KLHL1: variants seen among roughly 807,000 people sequenced by gnomAD.
KLHL1 encodes kelch-like protein 1.
A neutral mutation model predicts 77.7 loss-of-function variants in KLHL1; 47 were observed. The observed-to-expected ratio is 0.60, with a 90% CI of 0.48 to 0.77. The LOEUF (loss-of-function observed/expected upper bound fraction) is 0.77, where lower values mean the gene tolerates loss of function less well. Among genes scored for constraint, KLHL1 ranks in the 30% least tolerant of loss-of-function variants. KLHL1 has a pLI of 0.00. For missense variants in KLHL1, 925 were observed against 910.8 expected (o/e 1.02, Z -0.20); for synonymous variants, 360 against 325.2 (o/e 1.11, Z -1.15).
At position 69,885,620 on chromosome 13, in the gene KLHL1, T is replaced by C. The variant is rs1172106181; in HGVS notation, c.1015-3125A>G. On this transcript the variant is annotated intron_variant, in intron 4 of 10. Coordinates refer to ENST00000377844, the MANE Select transcript of KLHL1 (RefSeq NM_020866.3). ...TTCCCATTGAGTTTCTTACATTGCT[T>C]GCATATGTTAGCAAACTCCTTATTG... Among the ~76,000 whole-genome samples the C allele has an allele frequency of 2.0e-5, 3 of 152,172 alleles. No homozygotes were observed. In the East Asian group the frequency reaches 5.8e-4, roughly 29 times the overall value.
At chr13:69,776,016 CGTG>C (rs1234989570) in intron 7 of KLHL1, among the ~76,000 whole-genome samples, 1 of 149,590 alleles carries the variant, frequency 6.7e-6, no homozygotes. Context: ...ACTAGCTTGG[CGTG>C]GTGGTGGGTG....
At chr13:69,734,097 G>A (rs935656453) in intron 8 of KLHL1, among the ~76,000 whole-genome samples, 3 of 151,998 alleles carry the variant, frequency 2.0e-5, no homozygotes, top group African/African-American at 4.8e-5. Context: ...GGGTAATTGG[G>A]TCATGGGGGC....
chr13:69,826,917 T>C (rs1050406601), intron 6 of KLHL1, among the ~76,000 whole-genome samples: 2 of 151,840 alleles, frequency 1.3e-5, no homozygotes, highest in Non-Finnish European at 2.9e-5. Context: ...TTGTATTCAT[T>C]TTCTGGACAT....
At chr13:70,014,424 G>T (rs560528279) in intron 1 of KLHL1, among the ~76,000 whole-genome samples, 1 of 152,156 alleles carries the variant, frequency 6.6e-6, no homozygotes, top group East Asian at 1.9e-4. Context: ...AAGAATGTCA[G>T]AATACTTTTG....
chr13:70,106,995 CA>C (rs939933639), intron 1 of KLHL1, among the ~76,000 whole-genome samples: 8 of 152,054 alleles, frequency 5.3e-5, no homozygotes, highest in Non-Finnish European at 1.0e-4. Flanking sequence ...TGAAAACTTC[CA>C]AAAAGAAAAG....
intron 8 of KLHL1, among the ~76,000 whole-genome samples, chr13:69,726,645 A>G (rs1873309227): frequency 1.3e-5 from 2 of 152,270 alleles, no homozygotes; most frequent in African/African-American, 4.8e-5. Context: ...ACCCAAATTT[A>G]TGAAAAGAAT....
intron 2 of KLHL1, among the ~76,000 whole-genome samples, chr13:69,968,552 A>C (rs951263215): frequency 6.6e-6 from 1 of 151,638 alleles, no homozygotes; most frequent in Non-Finnish European, 1.5e-5. Context: ...TAAAAAAAAA[A>C]AAGAAATTGA....
rs1294538661 is a variant in KLHL1 at position 70,107,796 on chromosome 13, G to T, written c.-97C>A. 9.9e-6 allele frequency: 9 copies of T among 910,678 alleles called. No homozygotes were observed. The highest frequency in any genetic ancestry group is 1.7e-5 in the African/African-American group (1 of 59,762). 56.4% of individuals were successfully genotyped at this position (910,678 alleles called of 1,614,324 possible). ...GCGGGGCCCGGGGGCGGAGGAAGAG[G>T]CGGGATGCGCCCTCTGCACCCCTAG... On this transcript the variant is annotated 5_prime_UTR_variant, in exon 1 of 11. Transcript: ENST00000377844.
rs555352841 is a variant in KLHL1 at position 69,876,359 on chromosome 13, A to G, written c.1227+5924T>C. Among the ~76,000 whole-genome samples the G allele has an allele frequency of 3.9e-5, 6 of 152,288 alleles. No homozygotes were observed. The East Asian group carries it at 5.8e-4, about 15-fold the overall frequency. ...TATCTGATCAATAGTCACTTTTCCA[A>G]TGAAAAAGGTTGGAGACCTCACCCT... is the stretch of plus-strand genomic sequence containing the variant. On this transcript the variant is annotated intron_variant, in intron 5 of 10. Transcript: ENST00000377844.
At chr13:69,965,027 T>C (rs1390657096) in intron 2 of KLHL1, among the ~76,000 whole-genome samples, 1 of 152,172 alleles carries the variant, frequency 6.6e-6, no homozygotes, top group African/African-American at 2.4e-5. Flanking sequence ...ATTTGTTCTC[T>C]GTTTTGGTTT....
At chr13:69,959,820 G>A (rs1240488982) in intron 3 of KLHL1, among the ~76,000 whole-genome samples, 2 of 151,908 alleles carry the variant, frequency 1.3e-5, no homozygotes, top group African/African-American at 2.4e-5. Context: ...AGATGAGAAA[G>A]TTTACTTTTT....
At chr13:69,840,443 C>A (rs141488761) in intron 5 of KLHL1, among the ~76,000 whole-genome samples, 35 of 151,886 alleles carry the variant, frequency 2.3e-4, no homozygotes, top group Admixed American at 2.6e-4. Flanking sequence ...AGGCTAGTCT[C>A]GAACTCCTGA....
At chr13:70,074,986 G>T (rs1887227396) in intron 1 of KLHL1, among the ~76,000 whole-genome samples, 1 of 151,884 alleles carries the variant, frequency 6.6e-6, no homozygotes, top group Non-Finnish European at 1.5e-5. Context: ...TAATGGAGGT[G>T]CCAGGGGAAA....
At chr13:69,930,723 TCA>T (rs1472643936) in intron 4 of KLHL1, among the ~76,000 whole-genome samples, 4 of 151,760 alleles carry the variant, frequency 2.6e-5, no homozygotes, top group Non-Finnish European at 3.0e-5. Flanking sequence ...AGGATAATGA[TCA>T]CACAAGTGTA....
chr13:69,977,024 T>C lies in KLHL1; in HGVS notation c.498-1222A>G, dbSNP rs1472135478. 2.0e-5 allele frequency among the ~76,000 whole-genome samples: 3 copies of C among 152,152 alleles called. No individual in the cohort carries two copies. The East Asian group carries it at 5.8e-4, about 29-fold the overall frequency. On this transcript the variant is annotated intron_variant, in intron 1 of 10. Transcript: ENST00000377844. ...ATACGAAGACTGAAACCTAGAGTTG[T>C]ATCAGTGAAAATCTCTGATTTCATT...
chr13:70,076,387 C>CT lies in KLHL1; in HGVS notation c.497+30815dup, dbSNP rs34821978. 9.2e-3 allele frequency among the ~76,000 whole-genome samples: 1,282 copies of CT among 139,790 alleles called. 16 individuals are homozygous for CT. Among genetic ancestry groups the CT allele is most frequent in the African/African-American group, 0.021 (782 of 37,780 alleles). The allele number at this position is 139,790 out of a possible 152,430, so 91.7% of individuals were successfully genotyped here. A position where few individuals can be genotyped will look rare whatever the true frequency, so the allele number is the denominator to read the frequency against. ...GGCATGCCAGTGAGGAAAGGATAAT[C>CT]TTTTTTTTTTTTTTAATGGTTTTGG... On this transcript the variant is annotated intron_variant, in intron 1 of 10. Coordinates refer to ENST00000377844, the MANE Select transcript of KLHL1 (RefSeq NM_020866.3).
At chr13:70,099,163 A>T (rs1221209835) in intron 1 of KLHL1, among the ~76,000 whole-genome samples, 1 of 151,828 alleles carries the variant, frequency 6.6e-6, no homozygotes, top group Non-Finnish European at 1.5e-5. Context: ...AAGTTTTACA[A>T]TTTAATAATA....
chr13:69,759,414 C>T (rs1874913136), intron 7 of KLHL1, among the ~76,000 whole-genome samples: 1 of 152,146 alleles, frequency 6.6e-6, no homozygotes, highest in African/African-American at 2.4e-5. Context: ...AACCAGAAGA[C>T]ACAGGCAAAA....
chr13:70,050,729 C>T (rs1886610305), intron 1 of KLHL1, among the ~76,000 whole-genome samples: 1 of 151,810 alleles, frequency 6.6e-6, no homozygotes, highest in African/African-American at 2.4e-5. Flanking sequence ...TAAGTGTTAA[C>T]CTGGTAATTG....
Sources: gnomAD v4.1 joint callset for allele counts (sites outside exome capture counted in the v4.1 genomes callset) on GRCh38, gnomAD v4.1.1 for gene constraint, MANE v1.5 for transcripts, NCBI Gene and HGNC (gene_info 2026-07-23, HGNC 2026-07-21) for gene names.